Variants in CNGA1 observed in about 807,000 individuals in gnomAD.
CNGA1 encodes the protein cyclic nucleotide-gated channel alpha-1.
Under a neutral mutation model 69.7 loss-of-function variants are expected in CNGA1, and 53 were observed. The observed-to-expected ratio is 0.76, with a 90% CI of 0.61 to 0.96. CNGA1 has a LOEUF of 0.96. Ranked by LOEUF, CNGA1 falls within the 40% of genes least tolerant of loss-of-function variation. CNGA1 has a pLI of 0.00. For synonymous variants in CNGA1, 249 were observed against 283.5 expected (o/e 0.88, Z 1.22); for missense variants, 739 against 811.2 (o/e 0.91, Z 1.08).
chr4:47,966,617 C>T (rs1370856345), intron 3 of CNGA1, among the ~76,000 whole-genome samples: 1 of 152,166 alleles, frequency 6.6e-6, no homozygotes, highest in Admixed American at 6.5e-5. Context: ...GTGCCTTTGG[C>T]CTTTTCTGAA....
chr4:48,015,600 C>T (rs147265046), intron 1 of CNGA1, among the ~76,000 whole-genome samples: 9 of 152,090 alleles, frequency 5.9e-5, no homozygotes, highest in African/African-American at 2.2e-4. Context: ...CACTACCCCA[C>T]CCCTCACCTT....
chr4:47,937,177 G>C lies in CNGA1; in HGVS notation c.1305C>G (p.Asp435Glu). 1 of 1,614,190 alleles carries C rather than the reference G, an allele frequency of 6.2e-7. No individual in the cohort carries two copies. Among genetic ancestry groups the C allele is most frequent in the Non-Finnish European group, 8.5e-7 (1 of 1,180,038 alleles). ...DMEKRVIKWF[D>E]YLWTNKKTVD... Reference sequence around the variant, plus strand: ...CTGTTTTTTTGTTGGTCCACAGGTAGTCAAACCATTTAATAACCCTCTTTT... The same window carrying C: ...CTGTTTTTTTGTTGGTCCACAGGTACTCAAACCATTTAATAACCCTCTTTT... Residue 435 changes from aspartate (D) to glutamate (E), a missense_variant, in exon 11 of 11, where the codon GAC (aspartate) becomes GAG (glutamate). Transcript: ENST00000514170.
At chr4:47,952,924 C>T in intron 3 of CNGA1, 1 of 265,054 alleles carries the variant, frequency 3.8e-6, no homozygotes, top group Non-Finnish European at 7.0e-6. Flanking sequence ...AGCAAAGACA[C>T]ATCTTACATG....
chr4:47,940,667 T>C, intron 10 of CNGA1, 96 bp downstream of exon 10: 2 of 914,572 alleles, frequency 2.2e-6, no homozygotes, highest in South Asian at 2.9e-5. Flanking sequence ...TTTTTGTGAG[T>C]TTTCTTTGAA....
chr4:47,943,394 C>G lies in CNGA1; in HGVS notation c.306G>C (p.Lys102Asn), dbSNP rs760198986. Reference sequence around the variant, plus strand: ...ACCTCTTCTTTTCTTTTTTCTTTTTCTTTTTTTCTTCTGGTTCCCTAAAGA... The same window carrying G: ...ACCTCTTCTTTTCTTTTTTCTTTTTGTTTTTTTCTTCTGGTTCCCTAAAGA... Reference protein sequence around the residue: ...SNKDQEPEEKKKKKKEKKSKS... With the variant: ...SNKDQEPEEKNKKKKEKKSKS... The change falls in exon 7 of 11, where the codon AAG becomes AAC. Residue 102 changes from lysine to asparagine, a missense_variant. By Grantham distance (94) the Lys-to-Asn change is moderately conservative. Transcript: ENST00000514170. The G allele has an allele frequency of 6.6e-7, 1 of 1,507,622 alleles. No homozygotes were observed. Among genetic ancestry groups the G allele is most frequent in the South Asian group, 1.3e-5 (1 of 76,588 alleles). 93.4% of individuals were successfully genotyped at this position (1,507,622 alleles called of 1,614,324 possible).
At chr4:47,976,502 G>A (rs1343649120) in intron 3 of CNGA1, among the ~76,000 whole-genome samples, 1 of 151,548 alleles carries the variant, frequency 6.6e-6, no homozygotes, top group Non-Finnish European at 1.5e-5. Context: ...ATAAAGATAA[G>A]TAACCATATA....
intron 2 of CNGA1, among the ~76,000 whole-genome samples, chr4:48,000,291 A>T (rs1714609282): frequency 6.6e-6 from 1 of 152,214 alleles, no homozygotes; most frequent in Admixed American, 6.5e-5. Flanking sequence ...TTACATATTC[A>T]AGAATTTCAA....
At chr4:47,992,419 T>G (rs1742307087) in intron 2 of CNGA1, among the ~76,000 whole-genome samples, 1 of 149,562 alleles carries the variant, frequency 6.7e-6, no homozygotes, top group South Asian at 2.1e-4. Flanking sequence ...TTTGGTTTTT[T>G]TGCAGCTATT....
At position 47,937,128 on chromosome 4, in the gene CNGA1, A is replaced by G. The variant is rs1172573663; in HGVS notation, c.1354T>C (p.Tyr452His). 2.5e-6 allele frequency: 4 copies of G among 1,614,086 alleles called. No homozygotes were observed. The African/African-American group carries it at 5.3e-5, about 22-fold the overall frequency. ...KTVDEKEVLK[Y>H]LPDKLRAEIA... ...TCTGCTCTTAGTTTATCAGGTAGATACTTTAAGACTTCTTTCTCATCAACT... is the reference window on the plus strand; with the variant it reads ...TCTGCTCTTAGTTTATCAGGTAGATGCTTTAAGACTTCTTTCTCATCAACT... Residue 452 changes from tyrosine (Y) to histidine (H), a missense_variant, in exon 11 of 11, where the codon TAT becomes CAT. Tyr to His is a moderately conservative substitution (Grantham distance 83, BLOSUM62 2). Coordinates refer to ENST00000514170, the MANE Select transcript of CNGA1 (RefSeq NM_001379270.1).
At chr4:47,979,716 CAACTT>C (rs1741600759) in intron 3 of CNGA1, among the ~76,000 whole-genome samples, 1 of 152,108 alleles carries the variant, frequency 6.6e-6, no homozygotes, top group South Asian at 2.1e-4. Context: ...GATTTGTAGT[CAACTT>C]AACTCTTGAT....
At chr4:47,995,236 A>G (rs11932474) in intron 2 of CNGA1, among the ~76,000 whole-genome samples, 50,781 of 152,040 alleles carry the variant, frequency 0.33, 10,377 homozygotes, top group Non-Finnish European at 0.45. Flanking sequence ...TAGCAAGGCC[A>G]TGGAAATTTT....
chr4:47,956,423 T>C lies in CNGA1; in HGVS notation c.-14-3720A>G, dbSNP rs563864661. On this transcript the variant is annotated intron_variant, in intron 3 of 10. Transcript: ENST00000514170. ...TTGAATAAACAGTTCCAGTGGGAGC[T>C]TCCTCACTGCCCACTTTCAGGTTAC... Among the ~76,000 whole-genome samples the C allele has an allele frequency of 3.9e-5, 6 of 152,290 alleles. No homozygotes were observed. In the South Asian group the frequency reaches 1.2e-3, roughly 32 times the overall value.
chr4:47,939,194 T>A (rs1738915244), intron 10 of CNGA1, among the ~76,000 whole-genome samples: 1 of 152,134 alleles, frequency 6.6e-6, no homozygotes, highest in African/African-American at 2.4e-5. Flanking sequence ...ACCTCCTTCA[T>A]CCAGGAAAGG....
At chr4:47,979,343 C>A (rs1383682932) in intron 3 of CNGA1, among the ~76,000 whole-genome samples, 3 of 138,458 alleles carry the variant, frequency 2.2e-5, no homozygotes, top group Non-Finnish European at 4.7e-5. Flanking sequence ...AAAAAAAAAT[C>A]TTGGCACAAG....
At chr4:47,952,367 C>CT (rs1739796428) in intron 4 of CNGA1, among the ~76,000 whole-genome samples, 1 of 106,618 alleles carries the variant, frequency 9.4e-6, no homozygotes, top group Non-Finnish European at 2.0e-5. Context: ...GACTCCATCT[C>CT]AAAATAAATA....
chr4:48,007,908 G>A (rs1714991652), intron 2 of CNGA1, among the ~76,000 whole-genome samples: 1 of 152,114 alleles, frequency 6.6e-6, no homozygotes, highest in African/African-American at 2.4e-5. Context: ...AAACTTATAT[G>A]AGTTGAAGGA....
At chr4:47,999,971 A>G (rs1393519058) in intron 2 of CNGA1, among the ~76,000 whole-genome samples, 2 of 151,566 alleles carry the variant, frequency 1.3e-5, no homozygotes, top group Non-Finnish European at 2.9e-5. Flanking sequence ...TATAATCAAC[A>G]AACAAATTTA....
chr4:47,977,385 T>A (rs1438042908), intron 3 of CNGA1, among the ~76,000 whole-genome samples: 1 of 152,176 alleles, frequency 6.6e-6, no homozygotes, highest in Non-Finnish European at 1.5e-5. Flanking sequence ...CCAAAACTGA[T>A]GGCACCTTGA....
At position 47,936,095 on chromosome 4, in the gene CNGA1, G is replaced by A; in HGVS notation, c.*326C>T. The A allele has an allele frequency of 2.8e-6, 1 of 352,620 alleles. No homozygotes were observed. The highest frequency in any genetic ancestry group is 5.2e-6 in the Non-Finnish European group (1 of 191,774). The allele number at this position is 352,620 out of a possible 1,614,324, so 21.8% of individuals were successfully genotyped here. On this transcript the variant is annotated 3_prime_UTR_variant, in exon 11 of 11. Transcript: ENST00000514170. Reference sequence around the variant, plus strand: ...CTTCACTCAACAATGGAAATGGCATGAAAGTGAGGGCTACTTATTCATTTT... The same window carrying A: ...CTTCACTCAACAATGGAAATGGCATAAAAGTGAGGGCTACTTATTCATTTT...
Sources: gnomAD v4.1 joint callset for allele counts (sites outside exome capture counted in the v4.1 genomes callset) on GRCh38, gnomAD v4.1.1 for gene constraint, MANE v1.5 for transcripts, NCBI Gene and HGNC (gene_info 2026-07-23, HGNC 2026-07-21) for gene names.